SMDT1: variants seen among roughly 807,000 people sequenced by gnomAD.
SMDT1 encodes single-pass membrane protein with aspartate rich tail 1, also known as essential MCU regulator, mitochondrial.
SMDT1 carries 6 observed loss-of-function variants against 5.9 expected under a neutral mutation model. That is an observed-to-expected ratio of 1.03 (90% CI 0.56 to 2.02). The LOEUF (loss-of-function observed/expected upper bound fraction) is 2.02. SMDT1 is among the 30% of genes most tolerant of loss of function. The pLI is 0.00. For missense variants in SMDT1, 159 were observed against 145.6 expected (o/e 1.09, Z -0.47); for synonymous variants, 81 against 62.4 (o/e 1.30, Z -1.40).
At position 42,079,937 on chromosome 22, in the gene SMDT1, T is replaced by G. The variant is rs1353721525; in HGVS notation, c.169T>G (p.Leu57Val). Residue 57 changes from leucine to valine, a missense_variant, in exon 1 of 3, where the codon TTG becomes GTG. By Grantham distance (32) the Leu-to-Val change is conservative (BLOSUM62 1). Transcript: ENST00000331479. ...CATCGTTACCCGCAGCGGCGCCATT[T>G]TGCCCAAACCGGTGAAAGTGAGTGT... Reference protein sequence around the residue: ...SVIVTRSGAILPKPVKMSFGL... With the variant: ...SVIVTRSGAIVPKPVKMSFGL... 1 of 1,612,676 alleles carries G rather than the reference T, an allele frequency of 6.2e-7. No individual in the cohort carries two copies. Among genetic ancestry groups the G allele is most frequent in the African/African-American group, 1.3e-5 (1 of 74,894 alleles).
chr22:42,080,855 A>C (rs1437349864), intron 1 of SMDT1, among the ~76,000 whole-genome samples: 1 of 152,270 alleles, frequency 6.6e-6, no homozygotes, highest in Non-Finnish European at 1.5e-5. Context: ...GTGTAAATAC[A>C]TGCCCACTTT....
chr22:42,082,282 A>C, intron 2 of SMDT1: 1 of 522,858 alleles, frequency 1.9e-6, no homozygotes, highest in Non-Finnish European at 3.4e-6. Flanking sequence ...ACTCACTGCA[A>C]CCTCTGCCTT....
chr22:42,083,454 C>T lies in SMDT1; in HGVS notation c.*339C>T, dbSNP rs1927938196. The T allele has an allele frequency of 6.6e-6, 1 of 152,116 alleles. No individual in the cohort carries two copies. Among genetic ancestry groups the T allele is most frequent in the Non-Finnish European group, 1.5e-5 (1 of 68,016 alleles). 9.4% of individuals were successfully genotyped at this position (152,116 alleles called of 1,614,324 possible). A position where few individuals can be genotyped will look rare whatever the true frequency, so the allele number is the denominator to read the frequency against. On this transcript the variant is annotated 3_prime_UTR_variant, in exon 3 of 3. Transcript: ENST00000331479. ...CTTTATTTATGGGAGAAACATAGGC[C>T]CAGGCTATCCAGGCTGCAGTGGAGC...
intron 2 of SMDT1, 43 bp downstream of exon 2, chr22:42,082,108 A>T (rs1927834581): frequency 6.2e-7 from 1 of 1,601,218 alleles, no homozygotes; most frequent in South Asian, 1.1e-5. Flanking sequence ...AGCAGGGTGG[A>T]GCATCTGTCT....
chr22:42,079,999 A>G lies in SMDT1; in HGVS notation c.186+45A>G, dbSNP rs370292332. On this transcript the variant is annotated intron_variant, in intron 1 of 2. Coordinates refer to ENST00000331479, the MANE Select transcript of SMDT1 (RefSeq NM_033318.5). ...CGGGGCGAAGGGGCTGAGGCCAATC[A>G]TTGTGGGGAGTGCGTGAGGGCGGCG... The G allele has an allele frequency of 4.5e-5, 70 of 1,560,892 alleles. No homozygotes were observed. In the East Asian group the frequency reaches 1.2e-3, roughly 27 times the overall value.
chr22:42,080,991 G>T (rs531669924), intron 1 of SMDT1, among the ~76,000 whole-genome samples: 1 of 152,254 alleles, frequency 6.6e-6, no homozygotes, highest in South Asian at 2.1e-4. Context: ...CGTGTATTTC[G>T]TGTTCAGGCA....
In SMDT1 at chr22:42,081,979, G is replaced by A. The variant is rs780449487; in HGVS notation, c.241G>A (p.Gly81Arg). The A allele has an allele frequency of 3.7e-6, 6 of 1,613,786 alleles. No individual in the cohort carries two copies. Among genetic ancestry groups the A allele is most frequent in the African/African-American group, 1.3e-5 (1 of 74,840 alleles). The change falls in exon 2 of 3, where the codon GGG becomes AGG. Residue 81 changes from glycine to arginine, a missense_variant. Gly to Arg is a moderately radical substitution (Grantham distance 125). Coordinates refer to ENST00000331479, the MANE Select transcript of SMDT1 (RefSeq NM_033318.5). Reference sequence around the variant, plus strand: ...CATTGTGATCCCCTTTCTCTATGTCGGGACACTCATTAGCAAGAACTTTGC... The same window carrying A: ...CATTGTGATCCCCTTTCTCTATGTCAGGACACTCATTAGCAAGAACTTTGC... ...FSIVIPFLYV[G>R]TLISKNFAAL...
rs1927605811 is a variant in SMDT1, at chr22:42,079,799, T to TCGGGTCGC, written c.31_32insCGGGTCGC (p.Leu11SerfsTer18). On this transcript the variant is annotated frameshift_variant, in exon 1 of 3. Coordinates refer to ENST00000331479, the MANE Select transcript of SMDT1 (RefSeq NM_033318.5). LOFTEE classifies it high-confidence loss of function. The stretch of plus-strand genomic sequence containing the variant: ...GTCCGGAGCGGCTCGCTGGCTAGTA[T>TCGGGTCGC]TGGCACCCGTCAGGTCCGGGGCTCT... 6.2e-7 allele frequency: 1 copy of TCGGGTCGC among 1,610,566 alleles called. No individual in the cohort carries two copies. The highest frequency in any genetic ancestry group is 1.3e-5 in the African/African-American group (1 of 74,902).
In SMDT1 at chr22:42,079,867, C is replaced by T. The variant is rs1927619289; in HGVS notation, c.99C>T (p.Ala33=). 4 of 1,614,192 alleles carry T rather than the reference C, an allele frequency of 2.5e-6. No individual in the cohort carries two copies. In the East Asian group the frequency reaches 6.7e-5, roughly 27 times the overall value. The change falls in exon 1 of 3, where the codon GCC becomes GCT. Residue 33 remains alanine, a synonymous_variant. Coordinates refer to ENST00000331479, the MANE Select transcript of SMDT1 (RefSeq NM_033318.5). ...PSLRKDGDVS[A]AWSGSGRSLV... ...TGAGGAAAGATGGCGATGTCTCCGC[C>T]GCATGGAGCGGCTCAGGCCGGAGCC...
At position 42,081,333 on chromosome 22, in the gene SMDT1, T is replaced by C. The variant is rs539440940; in HGVS notation, c.187-592T>C. Among the ~76,000 whole-genome samples, 317 of 152,126 alleles carry C rather than the reference T, an allele frequency of 2.1e-3. 1 individual carries two copies. The highest frequency in any genetic ancestry group is 7.1e-3 in the African/African-American group (296 of 41,514). On this transcript the variant is annotated intron_variant, in intron 1 of 2. Coordinates refer to ENST00000331479, the MANE Select transcript of SMDT1 (RefSeq NM_033318.5). ...GGCATGTACCACCACACCCGGCTAA[T>C]TTTTTGTATTTTTAGTAGAGACGGG... is the stretch of plus-strand genomic sequence containing the variant.
intron 2 of SMDT1, among the ~76,000 whole-genome samples, chr22:42,082,406 A>G (rs1379957810): frequency 2.0e-5 from 3 of 151,962 alleles, no homozygotes; most frequent in African/African-American, 4.8e-5. Flanking sequence ...TCTCCATGTT[A>G]GCCAGGCTAG....
chr22:42,079,779 G>T lies in SMDT1; in HGVS notation c.11G>T (p.Gly4Val). The change falls in exon 1 of 3, where the codon GGA becomes GTA. Residue 4 changes from glycine (G) to valine (V), a missense_variant. Transcript: ENST00000331479. MASGAARWLVLAPV... is the reference protein window; with the variant it reads MASVAARWLVLAPV... ...GGCGGAGCTGGGGGCATGGCGTCCG[G>T]AGCGGCTCGCTGGCTAGTATTGGCA... is the stretch of plus-strand genomic sequence containing the variant. 6.2e-7 allele frequency: 1 copy of T among 1,606,214 alleles called. No individual in the cohort carries two copies. The highest frequency in any genetic ancestry group is 8.5e-7 in the Non-Finnish European group (1 of 1,178,438).
rs1190494912 is a variant in SMDT1 at position 42,082,155 on chromosome 22, T to C, written c.*3+90T>C. ...TGGCCTGGTAGCAGCATTTGGACAC[T>C]GGGGGCAGAAGCATTAATGAATTGG... On this transcript the variant is annotated intron_variant, in intron 2 of 2. Transcript: ENST00000331479. 5 of 1,518,244 alleles carry C rather than the reference T, an allele frequency of 3.3e-6. No homozygotes were observed. In the African/African-American group the frequency reaches 5.5e-5, roughly 17 times the overall value. 94.0% of individuals were successfully genotyped at this position (1,518,244 alleles called of 1,614,324 possible). A position where few individuals can be genotyped will look rare whatever the true frequency, so the allele number is the denominator to read the frequency against.
At position 42,079,808 on chromosome 22, in the gene SMDT1, G is replaced by T; in HGVS notation, c.40G>T (p.Val14Phe). 1 of 1,611,488 alleles carries T rather than the reference G, an allele frequency of 6.2e-7. No individual in the cohort carries two copies. The highest frequency in any genetic ancestry group is 8.5e-7 in the Non-Finnish European group (1 of 1,179,756). The change falls in exon 1 of 3, where the codon GTC becomes TTC. Residue 14 changes from valine to phenylalanine, a missense_variant. Transcript: ENST00000331479. ...GGCTCGCTGGCTAGTATTGGCACCC[G>T]TCAGGTCCGGGGCTCTCCGGAGCGG... Reference protein sequence around the residue: ...GAARWLVLAPVRSGALRSGPS... With the variant: ...GAARWLVLAPFRSGALRSGPS...
intron 1 of SMDT1, among the ~76,000 whole-genome samples, chr22:42,080,517 C>T (rs1426009850): frequency 2.6e-5 from 4 of 152,168 alleles, no homozygotes; most frequent in Non-Finnish European, 5.9e-5. Context: ...GGGTTTCTTC[C>T]TGGTACCGTC....
rs753245971 is a variant in SMDT1, at chr22:42,079,820, G to C, written c.52G>C (p.Ala18Pro). 1.2e-5 allele frequency: 20 copies of C among 1,613,048 alleles called. No homozygotes were observed. Among genetic ancestry groups the C allele is most frequent in the Admixed American group, 1.7e-5 (1 of 60,014 alleles). ...WLVLAPVRSG[A>P]LRSGPSLRKD... ...AGTATTGGCACCCGTCAGGTCCGGG[G>C]CTCTCCGGAGCGGGCCTAGCTTGAG... Residue 18 changes from alanine (A) to proline (P), a missense_variant, in exon 1 of 3, where the codon GCT (alanine) becomes CCT (proline). By Grantham distance (27) the Ala-to-Pro change is conservative. Coordinates refer to ENST00000331479, the MANE Select transcript of SMDT1 (RefSeq NM_033318.5).
chr22:42,081,567 T>C (rs183416061), intron 1 of SMDT1, among the ~76,000 whole-genome samples: 1 of 151,954 alleles, frequency 6.6e-6, no homozygotes, highest in Non-Finnish European at 1.5e-5. Context: ...TTCAAGCAAT[T>C]ATCCTGCCTC....
chr22:42,081,662 A>G (rs938167033), intron 1 of SMDT1, among the ~76,000 whole-genome samples: 14 of 148,836 alleles, frequency 9.4e-5, no homozygotes, highest in African/African-American at 3.5e-4. Flanking sequence ...GGATTTCACC[A>G]TGTTGGCCAG....
intron 1 of SMDT1, among the ~76,000 whole-genome samples, chr22:42,080,860 C>G (rs1051662604): frequency 6.6e-6 from 1 of 152,214 alleles, no homozygotes; most frequent in East Asian, 1.9e-4. Context: ...AATACATGCC[C>G]ACTTTCAAAT....
Sources: gnomAD v4.1 joint callset for allele counts (sites outside exome capture counted in the v4.1 genomes callset) on GRCh38, gnomAD v4.1.1 for gene constraint, MANE v1.5 for transcripts, NCBI Gene and HGNC (gene_info 2026-07-23, HGNC 2026-07-21) for gene names.